Variants in NKAIN3 observed in about 807,000 individuals in gnomAD.
The protein encoded by NKAIN3 is sodium/potassium transporting ATPase interacting 3.
NKAIN3 carries 25 observed loss-of-function variants against 30.2 expected under a neutral mutation model. That is an observed-to-expected ratio of 0.83 (90% CI 0.60 to 1.16). The LOEUF (loss-of-function observed/expected upper bound fraction) is 1.16. Among genes scored for constraint, NKAIN3 ranks in the 50% most tolerant of loss-of-function variants. NKAIN3 has a pLI of 0.00. For synonymous variants in NKAIN3, 91 were observed against 89.6 expected (o/e 1.02, Z -0.09); for missense variants, 225 against 254.1 (o/e 0.89, Z 0.78).
At chr8:62,671,711 T>A (rs1813311424) in intron 3 of NKAIN3, among the ~76,000 whole-genome samples, 1 of 152,108 alleles carries the variant, frequency 6.6e-6, no homozygotes, top group Non-Finnish European at 1.5e-5. Flanking sequence ...ATAGTTTGAT[T>A]CTTGGGACTA....
rs1180791156 is a variant in NKAIN3 at position 62,966,041 on chromosome 8, A to G, written c.*634A>G. The stretch of plus-strand genomic sequence containing the variant: ...GTGCATATCTTGTTTTTCCTGATAT[A>G]TATATATATGTAGGCACATGGAAGA... On this transcript the variant is annotated 3_prime_UTR_variant, in exon 7 of 7. Transcript: ENST00000623646. 1 of 983,978 alleles carries G rather than the reference A, an allele frequency of 1.0e-6. No individual in the cohort carries two copies. Among genetic ancestry groups the G allele is most frequent in the Non-Finnish European group, 1.2e-6 (1 of 828,798 alleles). The allele number at this position is 983,978 out of a possible 1,614,324, so 61.0% of individuals were successfully genotyped here.
At chr8:62,913,927 C>T (rs1367492215) in intron 4 of NKAIN3, among the ~76,000 whole-genome samples, 3 of 152,164 alleles carry the variant, frequency 2.0e-5, no homozygotes, top group South Asian at 4.1e-4. Context: ...TCGTGAAAAT[C>T]GGCGTGGCAA....
chr8:62,820,915 T>C (rs555008900), intron 4 of NKAIN3, among the ~76,000 whole-genome samples: 4 of 152,288 alleles, frequency 2.6e-5, no homozygotes, highest in African/African-American at 7.2e-5. Context: ...TTTGTTTAAT[T>C]ATCTTTGTGC....
intron 1 of NKAIN3, among the ~76,000 whole-genome samples, chr8:62,374,460 A>C (rs1338162233): frequency 3.3e-5 from 5 of 152,206 alleles, no homozygotes; most frequent in African/African-American, 1.2e-4. Context: ...TTACCTGAGA[A>C]TTCAGGAGTC....
intron 4 of NKAIN3, among the ~76,000 whole-genome samples, chr8:62,801,174 C>T (rs1563568071): frequency 6.6e-6 from 1 of 152,228 alleles, no homozygotes; most frequent in Non-Finnish European, 1.5e-5. Context: ...CTGTAGGCTC[C>T]ACCTCTGGGG....
At chr8:62,643,026 A>G (rs1165243563) in intron 3 of NKAIN3, among the ~76,000 whole-genome samples, 3 of 152,152 alleles carry the variant, frequency 2.0e-5, no homozygotes, top group Non-Finnish European at 4.4e-5. Context: ...TTGGTTCTAG[A>G]AATAAATGGA....
chr8:62,294,346 C>T (rs948332357), intron 1 of NKAIN3, among the ~76,000 whole-genome samples: 14 of 152,158 alleles, frequency 9.2e-5, no homozygotes, highest in Non-Finnish European at 2.1e-4. Context: ...CAGCCATCTT[C>T]AGCCTAGTTC....
At chr8:62,993,233 C>G (rs181923423) in intron 5 of NKAIN3, among the ~76,000 whole-genome samples, 1 of 152,120 alleles carries the variant, frequency 6.6e-6, no homozygotes, top group Non-Finnish European at 1.5e-5. Flanking sequence ...CAGGATCTAG[C>G]TGTGGCCCAA....
rs1222474007 is a variant in NKAIN3 at position 62,918,439 on chromosome 8, T to G, written c.472-14T>G. On this transcript the variant is annotated splice_polypyrimidine_tract_variant and intron_variant, in intron 4 of 6. Transcript: ENST00000623646. ...GCATAGATTCTTAAGGTACACATTT[T>G]TTCCCTTTTGCAGTTGGTGGGTTTT... is the stretch of plus-strand genomic sequence containing the variant. 4 of 1,604,516 alleles carry G rather than the reference T, an allele frequency of 2.5e-6. No homozygotes were observed.
intron 4 of NKAIN3, among the ~76,000 whole-genome samples, chr8:62,808,372 A>G (rs1488077772): frequency 6.6e-6 from 1 of 152,206 alleles, no homozygotes. Flanking sequence ...ATTCTAGTGT[A>G]ACACTATTTT....
intron 6 of NKAIN3, among the ~76,000 whole-genome samples, chr8:62,957,527 G>T (rs999124586): frequency 6.6e-6 from 1 of 152,156 alleles, no homozygotes; most frequent in African/African-American, 2.4e-5. Context: ...CCATACCATG[G>T]ATTATTTAAT....
chr8:62,462,168 A>G lies in NKAIN3; in HGVS notation c.55-117371A>G, dbSNP rs184116341. Among the ~76,000 whole-genome samples, 5 of 152,318 alleles carry G rather than the reference A, an allele frequency of 3.3e-5. No individual in the cohort carries two copies. The East Asian group carries it at 5.8e-4, about 18-fold the overall frequency. ...ACAGAGTCCATGGGCACAGGCGCAG[A>G]TGGGATGGCAGTTTTGGTGGTGGGA... On this transcript the variant is annotated intron_variant, in intron 1 of 6. Transcript: ENST00000623646.
intron 3 of NKAIN3, among the ~76,000 whole-genome samples, chr8:62,646,138 G>GAAAAAA (rs75073790): frequency 1.7e-5 from 2 of 116,186 alleles, no homozygotes; most frequent in African/African-American, 3.0e-5. Flanking sequence ...CCTCATTCTG[G>GAAAAAA]AAAAAAAAAA....
At chr8:62,422,207 A>G (rs1804662390) in intron 1 of NKAIN3, among the ~76,000 whole-genome samples, 1 of 152,154 alleles carries the variant, frequency 6.6e-6, no homozygotes, top group Admixed American at 6.5e-5. Flanking sequence ...ATACATTCTT[A>G]AATATTTAAG....
chr8:62,538,027 T>G (rs1352857425), intron 1 of NKAIN3, among the ~76,000 whole-genome samples: 1 of 152,142 alleles, frequency 6.6e-6, no homozygotes, highest in Non-Finnish European at 1.5e-5. Flanking sequence ...TGCCAGGAGC[T>G]GCTTCCCCTG....
chr8:62,451,273 T>TCTTCTCTCCC (rs1390150370), intron 1 of NKAIN3, among the ~76,000 whole-genome samples: 11 of 150,408 alleles, frequency 7.3e-5, no homozygotes, highest in African/African-American at 2.7e-4. Flanking sequence ...TCTTCTCTTC[T>TCTTCTCTCCC]CTTCTCTCCC....
chr8:62,773,150 T>G (rs1177149352), intron 4 of NKAIN3, among the ~76,000 whole-genome samples: 1 of 152,154 alleles, frequency 6.6e-6, no homozygotes, highest in East Asian at 1.9e-4. Flanking sequence ...TCTTGGAGAG[T>G]TTCCCCAATG....
At chr8:62,500,116 G>A (rs955926893) in intron 1 of NKAIN3, among the ~76,000 whole-genome samples, 1 of 152,112 alleles carries the variant, frequency 6.6e-6, no homozygotes, top group Non-Finnish European at 1.5e-5. Context: ...CAGAATGCCA[G>A]AGACTTCTAT....
chr8:62,841,253 A>G (rs1020971581), intron 4 of NKAIN3, among the ~76,000 whole-genome samples: 3 of 152,134 alleles, frequency 2.0e-5, no homozygotes, highest in East Asian at 1.9e-4. Flanking sequence ...ATATATGTAT[A>G]TAATACGGAG....
Sources: allele counts gnomAD v4.1 joint callset (sites outside exome capture counted in the v4.1 genomes callset), GRCh38; gene constraint gnomAD v4.1.1; transcripts MANE v1.5; gene names NCBI Gene and HGNC (gene_info 2026-07-23, HGNC 2026-07-21).